Variants in UBR3 observed in about 807,000 individuals in gnomAD.
The protein encoded by UBR3 is ubiquitin protein ligase E3 component n-recognin 3.
A neutral mutation model predicts 243.2 loss-of-function variants in UBR3; 85 were observed. The observed-to-expected ratio is 0.35, with a 90% confidence interval of 0.29 to 0.42. The LOEUF is 0.42. Among genes scored for constraint, UBR3 ranks in the 10% least tolerant of loss-of-function variants. The pLI, the probability that UBR3 is intolerant of heterozygous loss-of-function variation, is 1.00. For missense variants in UBR3, 1,686 were observed against 2,300.8 expected (o/e 0.73, Z 5.47); for synonymous variants, 748 against 799.8 (o/e 0.94, Z 1.09).
At chr2:169,846,492 AC>A (rs541064101) in intron 1 of UBR3, among the ~76,000 whole-genome samples, 12 of 152,214 alleles carry the variant, frequency 7.9e-5, no homozygotes, top group African/African-American at 2.4e-4. Context: ...TGGGTGGATC[AC>A]AAGGTCAGGA....
At chr2:169,918,011 G>A (rs2085531041) in intron 11 of UBR3, among the ~76,000 whole-genome samples, 2 of 152,166 alleles carry the variant, frequency 1.3e-5, no homozygotes, top group African/African-American at 4.8e-5. Context: ...TCCATGTCAT[G>A]TTTTTATATG....
intron 11 of UBR3, among the ~76,000 whole-genome samples, chr2:169,919,693 A>C (rs1329509179): frequency 6.6e-6 from 1 of 152,252 alleles, no homozygotes; most frequent in East Asian, 1.9e-4. Flanking sequence ...TATGCAGCCA[A>C]AAGACACATG....
chr2:170,072,871 A>T (rs1458361427), intron 35 of UBR3, among the ~76,000 whole-genome samples: 1 of 152,154 alleles, frequency 6.6e-6, no homozygotes, highest in African/African-American at 2.4e-5. Flanking sequence ...AACTTTTAAG[A>T]TATGAATTCT....
intron 10 of UBR3, among the ~76,000 whole-genome samples, chr2:169,907,756 T>A (rs1252522935): frequency 6.6e-6 from 1 of 151,856 alleles, no homozygotes; most frequent in African/African-American, 2.4e-5. Context: ...TCATAATTCG[T>A]TATCTTTTTT....
chr2:169,999,561 A>C (rs1455715137), intron 26 of UBR3, among the ~76,000 whole-genome samples: 5 of 152,194 alleles, frequency 3.3e-5, no homozygotes, highest in Admixed American at 1.3e-4. Flanking sequence ...GATGGCTCTC[A>C]AATCTTTCAT....
chr2:169,969,722 T>C (rs1023835099), intron 24 of UBR3, among the ~76,000 whole-genome samples: 1 of 151,820 alleles, frequency 6.6e-6, no homozygotes, highest in African/African-American at 2.4e-5. Context: ...CTAATTTTTT[T>C]ATATTTTTAG....
chr2:170,003,466 A>ATTC (rs2089787317), intron 27 of UBR3, among the ~76,000 whole-genome samples: 1 of 12,952 alleles, frequency 7.7e-5, no homozygotes, highest in African/African-American at 1.4e-4. Context: ...GTATTCAACT[A>ATTC]TTCCTTCAGC....
rs1424737297 is a variant in UBR3 at position 170,008,918 on chromosome 2, C to G, written c.4345C>G (p.Leu1449Val). 6.9e-6 allele frequency: 11 copies of G among 1,595,554 alleles called. No individual in the cohort carries two copies. Among genetic ancestry groups the G allele is most frequent in the Non-Finnish European group, 9.4e-6 (11 of 1,173,250 alleles). ...CCCGGGCTCACCAGACAATGATTTTCTCTTTATGTACTCTGTTGCTAGGTA... is the reference window on the plus strand; with the variant it reads ...CCCGGGCTCACCAGACAATGATTTTGTCTTTATGTACTCTGTTGCTAGGTA... The part of the protein sequence containing the change: ...KTPGSPDNDF[L>V]FMYSVARTNL... The change falls in exon 29 of 39, where the codon CTC (leucine) becomes GTC (valine). Residue 1449 changes from leucine (L) to valine (V), a missense_variant. Transcript: ENST00000272793.
intron 35 of UBR3, among the ~76,000 whole-genome samples, chr2:170,072,816 A>C (rs189280124): frequency 2.1e-3 from 316 of 152,156 alleles, no homozygotes; most frequent in Middle Eastern, 6.8e-3. Flanking sequence ...GGGATTGGGG[A>C]ATATATTTCT....
chr2:170,001,912 CAAAAAAAAAAAAAA>C (rs71006062), intron 27 of UBR3, among the ~76,000 whole-genome samples: 109 of 67,504 alleles, frequency 1.6e-3, no homozygotes, highest in Non-Finnish European at 1.0e-3. Context: ...GACTCCATCT[CAAAAAAAAAAAAAA>C]AAAAAAAAAA....
At chr2:169,970,095 G>A (rs992076488) in intron 24 of UBR3, among the ~76,000 whole-genome samples, 2 of 150,452 alleles carry the variant, frequency 1.3e-5, no homozygotes, top group Non-Finnish European at 3.0e-5. Flanking sequence ...TTTTGGTAGT[G>A]TGGTCATTTT....
Position 169,838,618 on chromosome 2 carries a change from G to T in UBR3, c.545+10566G>T, listed in dbSNP as rs140897565. Among the ~76,000 whole-genome samples the T allele has an allele frequency of 5.5e-3, 843 of 152,248 alleles. 7 individuals are homozygous for T. Among genetic ancestry groups the T allele is most frequent in the African/African-American group, 0.019 (795 of 41,538 alleles). ...CACAGTGGAGATTAAGTTTCAATGT[G>T]AATTTTGTAGGGGACACACGTTCAG... On this transcript the variant is annotated intron_variant, in intron 1 of 38. Transcript: ENST00000272793.
At chr2:169,963,650 A>T (rs1343304514) in intron 24 of UBR3, among the ~76,000 whole-genome samples, 3 of 152,198 alleles carry the variant, frequency 2.0e-5, no homozygotes, top group Non-Finnish European at 4.4e-5. Context: ...TTTTATTAAA[A>T]GTTAGAAAAC....
At chr2:169,843,545 G>C (rs1417824484) in intron 1 of UBR3, among the ~76,000 whole-genome samples, 1 of 152,164 alleles carries the variant, frequency 6.6e-6, no homozygotes, top group African/African-American at 2.4e-5. Context: ...CCTGAGTTTT[G>C]GAGAGGTAAC....
intron 1 of UBR3, 65 bp downstream of exon 1, chr2:169,828,117 G>A (rs2081803957): frequency 7.5e-7 from 1 of 1,337,234 alleles, no homozygotes; most frequent in Non-Finnish European, 9.6e-7. Flanking sequence ...AGGGCCTGGA[G>A]CGGAGCACTG....
chr2:169,878,502 A>G (rs1039435273), intron 4 of UBR3, 23 bp from the exon 5 acceptor site: 3 of 1,547,868 alleles, frequency 1.9e-6, no homozygotes, highest in East Asian at 2.4e-5. Flanking sequence ...ATGAAGGACA[A>G]CTATTTTTCT....
chr2:169,962,841 C>T (rs2087641450), intron 24 of UBR3, among the ~76,000 whole-genome samples: 2 of 152,126 alleles, frequency 1.3e-5, no homozygotes, highest in South Asian at 4.2e-4. Context: ...TCCTCATTTG[C>T]CTGATGATTC....
At chr2:170,024,143 A>C (rs1432455291) in intron 30 of UBR3, among the ~76,000 whole-genome samples, 5 of 152,072 alleles carry the variant, frequency 3.3e-5, no homozygotes, top group Non-Finnish European at 7.4e-5. Context: ...TTACGAGGTC[A>C]GGAGATCGAG....
At chr2:170,066,020 T>C (rs924594859) in intron 35 of UBR3, among the ~76,000 whole-genome samples, 1 of 152,068 alleles carries the variant, frequency 6.6e-6, no homozygotes, top group Non-Finnish European at 1.5e-5. Context: ...AGAGTTATGT[T>C]TTCTATGTGT....
Sources: allele counts gnomAD v4.1 joint callset (sites outside exome capture counted in the v4.1 genomes callset), GRCh38; gene constraint gnomAD v4.1.1; transcripts MANE v1.5; gene names NCBI Gene and HGNC (gene_info 2026-07-23, HGNC 2026-07-21).